Variants in SMAD9 observed in about 807,000 individuals in gnomAD.
SMAD9 encodes the protein MAD homolog 9.
Under a neutral mutation model 46.1 loss-of-function variants are expected in SMAD9, and 36 were observed. That is an observed-to-expected ratio of 0.78 (90% CI 0.60 to 1.03). The LOEUF (loss-of-function observed/expected upper bound fraction) is 1.03. Among genes scored for constraint, SMAD9 ranks in the 50% least tolerant of loss-of-function variants. The pLI is 0.00. For missense variants in SMAD9, 572 were observed against 599.8 expected (o/e 0.95, Z 0.48); for synonymous variants, 245 against 237.1 (o/e 1.03, Z -0.31).
At chr13:36,867,143 T>G in intron 4 of SMAD9, 130 bp downstream of exon 4, 1 of 660,330 alleles carries the variant, frequency 1.5e-6, no homozygotes, top group South Asian at 1.7e-5. Context: ...CCATCCCATT[T>G]GCCTCTTAAA....
intron 1 of SMAD9, among the ~76,000 whole-genome samples, chr13:36,903,738 A>C (rs1367640367): frequency 6.6e-6 from 1 of 152,194 alleles, no homozygotes; most frequent in African/African-American, 2.4e-5. Context: ...AAAGTAACAT[A>C]GTGACCTTTT....
intron 1 of SMAD9, among the ~76,000 whole-genome samples, chr13:36,900,684 TACACACACACAC>T (rs58756918): frequency 0.027 from 3,847 of 142,860 alleles, 151 homozygotes; most frequent in African/African-American, 0.083. Flanking sequence ...TCATTATGAC[TACACACACACAC>T]ACACACACAC....
rs768062764 is a variant in SMAD9 at position 36,848,889 on chromosome 13, C to T, written c.1261-70G>A. 2.4e-4 allele frequency: 374 copies of T among 1,527,332 alleles called. 2 individuals are homozygous for T. The highest frequency in any genetic ancestry group is 3.2e-4 in the Non-Finnish European group (357 of 1,112,414). 94.6% of individuals were successfully genotyped at this position (1,527,332 alleles called of 1,614,324 possible). On this transcript the variant is annotated intron_variant, in intron 6 of 6. Transcript: ENST00000379826. ...TCAGCCTCCAGAGCCCCAGGCAGAGCTCAGCGGGGCACAGAGCCCACACCC... is the reference window on the plus strand; with the variant it reads ...TCAGCCTCCAGAGCCCCAGGCAGAGTTCAGCGGGGCACAGAGCCCACACCC...
intron 1 of SMAD9, among the ~76,000 whole-genome samples, chr13:36,897,652 A>T (rs2058539324): frequency 6.6e-6 from 1 of 152,218 alleles, no homozygotes; most frequent in Admixed American, 6.5e-5. Context: ...TGCTTTTCAT[A>T]AAAACAAAAT....
At chr13:36,877,513 T>C (rs1041091862) in intron 2 of SMAD9, among the ~76,000 whole-genome samples, 1 of 152,002 alleles carries the variant, frequency 6.6e-6, no homozygotes, top group African/African-American at 2.4e-5. Flanking sequence ...GATTTATTAA[T>C]GAACATTTTT....
chr13:36,907,312 T>C (rs1368393253), intron 1 of SMAD9, among the ~76,000 whole-genome samples: 1 of 110,432 alleles, frequency 9.1e-6, no homozygotes, highest in African/African-American at 4.1e-5. Flanking sequence ...TGGCAATGGA[T>C]AGGGTGGTAG....
At chr13:36,851,787 A>G in intron 6 of SMAD9, 1 of 969,660 alleles carries the variant, frequency 1.0e-6, no homozygotes, top group Non-Finnish European at 1.2e-6. Context: ...TTCCTGCAGT[A>G]TTAGGAACAG....
chr13:36,877,636 G>A (rs1038681789), intron 2 of SMAD9, among the ~76,000 whole-genome samples: 7 of 151,570 alleles, frequency 4.6e-5, no homozygotes, highest in African/African-American at 1.7e-4. Flanking sequence ...TTTTAAGTAA[G>A]CGAAAAGAGT....
intron 4 of SMAD9, 22 bp downstream of exon 4, chr13:36,867,251 T>G: frequency 7.1e-7 from 1 of 1,415,072 alleles, no homozygotes; most frequent in Non-Finnish European, 9.8e-7. Flanking sequence ...TAGCTACATT[T>G]CACTGTTCAT....
At chr13:36,915,778 C>T (rs1401636379) in intron 1 of SMAD9, among the ~76,000 whole-genome samples, 3 of 152,278 alleles carry the variant, frequency 2.0e-5, no homozygotes, top group East Asian at 3.9e-4. Context: ...ATATACAATC[C>T]ACCTTAATAT....
chr13:36,863,920 G>A (rs774634871), intron 5 of SMAD9, among the ~76,000 whole-genome samples: 3 of 152,086 alleles, frequency 2.0e-5, no homozygotes, highest in Non-Finnish European at 4.4e-5. Context: ...CACTCTCCAT[G>A]TCCTCAGCAG....
In SMAD9 at chr13:36,893,054, T is replaced by A. The variant is rs145552521; in HGVS notation, c.-186-13179A>T. Among the ~76,000 whole-genome samples, 8 of 152,316 alleles carry A rather than the reference T, an allele frequency of 5.3e-5. No individual in the cohort carries two copies. In the East Asian group the frequency reaches 1.2e-3, roughly 22 times the overall value. On this transcript the variant is annotated intron_variant, in intron 1 of 6. Coordinates refer to ENST00000379826, the MANE Select transcript of SMAD9 (RefSeq NM_001127217.3). ...TAAGAATGTGAATAATAAGAATTTATAGAAATAGTTGGTTCAAGAACTGTG... is the reference window on the plus strand; with the variant it reads ...TAAGAATGTGAATAATAAGAATTTAAAGAAATAGTTGGTTCAAGAACTGTG...
chr13:36,889,586 T>C (rs1219282194), intron 1 of SMAD9, among the ~76,000 whole-genome samples: 1 of 152,186 alleles, frequency 6.6e-6, no homozygotes, highest in Admixed American at 6.5e-5. Context: ...ATTAGACTGC[T>C]TTGATTGAAA....
chr13:36,893,147 A>G (rs538206816), intron 1 of SMAD9, among the ~76,000 whole-genome samples: 7 of 152,212 alleles, frequency 4.6e-5, no homozygotes, highest in African/African-American at 1.7e-4. Context: ...TTCCACAACA[A>G]AGTATATAAC....
At chr13:36,891,417 CAG>C (rs1211537373) in intron 1 of SMAD9, among the ~76,000 whole-genome samples, 6 of 152,288 alleles carry the variant, frequency 3.9e-5, no homozygotes, top group Admixed American at 2.6e-4. Flanking sequence ...TTCAAATATT[CAG>C]AGTCTTAAAC....
At chr13:36,909,541 G>A (rs932739914) in intron 1 of SMAD9, among the ~76,000 whole-genome samples, 1 of 152,160 alleles carries the variant, frequency 6.6e-6, no homozygotes, top group African/African-American at 2.4e-5. Flanking sequence ...AACACTGTAT[G>A]CCACCCCACA....
chr13:36,894,010 T>C (rs1178444773), intron 1 of SMAD9, among the ~76,000 whole-genome samples: 1 of 152,184 alleles, frequency 6.6e-6, no homozygotes, highest in African/African-American at 2.4e-5. Flanking sequence ...ACATGGTCCC[T>C]GCTGTTAACA....
chr13:36,884,724 CAGTT>C (rs1233874243), intron 1 of SMAD9, among the ~76,000 whole-genome samples: 1 of 152,190 alleles, frequency 6.6e-6, no homozygotes, highest in Admixed American at 6.5e-5. Flanking sequence ...GATTTCCACT[CAGTT>C]GGTCTCCTTG....
chr13:36,876,180 C>T (rs1413701283), intron 2 of SMAD9, among the ~76,000 whole-genome samples: 2 of 152,014 alleles, frequency 1.3e-5, no homozygotes, highest in Admixed American at 1.3e-4. Flanking sequence ...CAGTGTCACA[C>T]GGGGGGAGAC....
Sources: allele counts gnomAD v4.1 joint callset (sites outside exome capture counted in the v4.1 genomes callset), GRCh38; gene constraint gnomAD v4.1.1; transcripts MANE v1.5; gene names NCBI Gene and HGNC (gene_info 2026-07-23, HGNC 2026-07-21).